CSMD3: variants seen among roughly 807,000 people sequenced by gnomAD.
CSMD3 encodes CUB and Sushi multiple domains 3, also known as CUB and sushi domain-containing protein 3.
A neutral mutation model predicts 435.2 loss-of-function variants in CSMD3; 177 were observed. That is an observed-to-expected ratio of 0.41 (90% CI 0.36 to 0.46). CSMD3 has a LOEUF of 0.46. Among genes scored for constraint, CSMD3 ranks in the 20% least tolerant of loss-of-function variants. The probability of loss-of-function intolerance (pLI) is 0.34; values close to 1 mark genes in which losing one functional copy is unlikely to be tolerated. For missense variants in CSMD3, 4,265 were observed against 4,504.6 expected, an observed-to-expected ratio of 0.95 and a Z score of 1.52; for synonymous variants, 1,656 against 1,520.5, an observed-to-expected ratio of 1.09 and a Z score of -2.07.
At chr8:112,683,318 A>G (rs2075942684) in intron 15 of CSMD3, among the ~76,000 whole-genome samples, 1 of 152,020 alleles carries the variant, frequency 6.6e-6, no homozygotes. Flanking sequence ...AAAGTTAAGT[A>G]ACTTGCCTAA....
chr8:112,926,206 A>G (rs557268322), intron 9 of CSMD3, among the ~76,000 whole-genome samples: 5 of 151,822 alleles, frequency 3.3e-5, no homozygotes, highest in Non-Finnish European at 7.4e-5. Flanking sequence ...TTAATATTTG[A>G]GTCAAACTTA....
At chr8:113,368,955 T>C (rs1588613405) in intron 1 of CSMD3, among the ~76,000 whole-genome samples, 2 of 152,172 alleles carry the variant, frequency 1.3e-5, no homozygotes, top group Middle Eastern at 6.8e-3. Context: ...TTCTAAAAAC[T>C]AACCCTCAAA....
intron 28 of CSMD3, among the ~76,000 whole-genome samples, chr8:112,507,467 T>G (rs1328470212): frequency 6.6e-6 from 1 of 152,062 alleles, no homozygotes; most frequent in Non-Finnish European, 1.5e-5. Flanking sequence ...TGAAGAAAGA[T>G]ATGGAGGTCT....
intron 13 of CSMD3, among the ~76,000 whole-genome samples, chr8:112,723,690 G>C (rs1181067490): frequency 6.6e-6 from 1 of 152,030 alleles, no homozygotes; most frequent in East Asian, 1.9e-4. Flanking sequence ...AAGCTACCTA[G>C]GTTTAAATCC....
rs200793759 is a variant in CSMD3, at chr8:112,573,634, C to T, written c.3909G>A (p.Thr1303=). The change falls in exon 24 of 71, where the codon ACG becomes ACA. Residue 1303 remains threonine (T), a synonymous_variant. Transcript: ENST00000297405. ...VLKIYDGKDK[T]THLLGAFTGA... ...CAGTAAAAGCACCTAGTAGATGAGTCGTTTTATCTTTTCCATCATAAATCT... is the reference window on the plus strand; with the variant it reads ...CAGTAAAAGCACCTAGTAGATGAGTTGTTTTATCTTTTCCATCATAAATCT... The T allele has an allele frequency of 1.2e-5, 19 of 1,611,972 alleles. 1 individual carries two copies. The highest frequency in any genetic ancestry group is 1.5e-5 in the Non-Finnish European group (18 of 1,178,460).
rs188323696 is a variant in CSMD3, at chr8:112,810,256, T to A, written c.1860-9982A>T. Reference sequence around the variant, plus strand: ...CATCTTCTTACTAATTTTTTAATAATCCCAAAGTAAAAGTAACTAATATGT... The same window carrying A: ...CATCTTCTTACTAATTTTTTAATAAACCCAAAGTAAAAGTAACTAATATGT... On this transcript the variant is annotated intron_variant, in intron 12 of 70. Transcript: ENST00000297405. 1.3e-3 allele frequency among the ~76,000 whole-genome samples: 196 copies of A among 152,256 alleles called. 1 individual carries two copies. The highest frequency in any genetic ancestry group is 4.4e-3 in the African/African-American group (183 of 41,544).
intron 11 of CSMD3, among the ~76,000 whole-genome samples, chr8:112,839,007 T>C (rs1052309533): frequency 2.6e-5 from 4 of 151,792 alleles, no homozygotes; most frequent in Non-Finnish European, 5.9e-5. Context: ...AGAAGAATTA[T>C]GCATTGCAAT....
intron 7 of CSMD3, among the ~76,000 whole-genome samples, chr8:112,966,323 A>G (rs1247401090): frequency 6.6e-6 from 1 of 151,666 alleles, no homozygotes; most frequent in East Asian, 1.9e-4. Context: ...TCTCATAAAT[A>G]AAGACCTGGG....
intron 10 of CSMD3, among the ~76,000 whole-genome samples, chr8:112,916,686 G>T (rs1002459781): frequency 6.6e-6 from 1 of 151,878 alleles, no homozygotes; most frequent in Non-Finnish European, 1.5e-5. Flanking sequence ...GTTCTGATAT[G>T]TTCTTGGGCA....
At chr8:113,205,430 C>T (rs571967925) in intron 3 of CSMD3, among the ~76,000 whole-genome samples, 2 of 152,236 alleles carry the variant, frequency 1.3e-5, no homozygotes, top group African/African-American at 2.4e-5. Context: ...TGGGTGGGGA[C>T]CAGCCAAACC....
intron 42 of CSMD3, among the ~76,000 whole-genome samples, chr8:112,341,236 A>G (rs926603503): frequency 6.6e-6 from 1 of 152,054 alleles, no homozygotes; most frequent in African/African-American, 2.4e-5. Flanking sequence ...TTAACTTAAG[A>G]CTAATTCAAT....
chr8:113,073,286 T>C (rs1275213680), intron 5 of CSMD3, among the ~76,000 whole-genome samples: 1 of 151,806 alleles, frequency 6.6e-6, no homozygotes, highest in African/African-American at 2.4e-5. Context: ...ATACAGTGAC[T>C]TTTTTTTCCG....
intron 6 of CSMD3, among the ~76,000 whole-genome samples, chr8:113,000,568 T>C (rs1455858840): frequency 6.6e-6 from 1 of 152,056 alleles, no homozygotes; most frequent in Admixed American, 6.6e-5. Flanking sequence ...GACATAATGT[T>C]GTACACAGTA....
chr8:112,611,842 C>T lies in CSMD3; in HGVS notation c.3716-24607G>A, dbSNP rs147199073. ...AAAATATATTCAAATTTCACTTATG[C>T]GACATAAATCTAAGCATGTAAAATA... is the stretch of plus-strand genomic sequence containing the variant. On this transcript the variant is annotated intron_variant, in intron 22 of 70. Coordinates refer to ENST00000297405, the MANE Select transcript of CSMD3 (RefSeq NM_198123.2). 5.5e-3 allele frequency among the ~76,000 whole-genome samples: 842 copies of T among 152,082 alleles called. 6 individuals carry two copies. Among genetic ancestry groups the T allele is most frequent in the African/African-American group, 0.018 (752 of 41,508 alleles).
At chr8:112,892,904 C>T (rs1564074030) in intron 10 of CSMD3, among the ~76,000 whole-genome samples, 1 of 151,448 alleles carries the variant, frequency 6.6e-6, no homozygotes, top group Non-Finnish European at 1.5e-5. Flanking sequence ...GTTAACCATT[C>T]AATCTCCAGA....
chr8:112,482,673 C>G (rs1014708638), intron 31 of CSMD3, among the ~76,000 whole-genome samples: 1 of 152,060 alleles, frequency 6.6e-6, no homozygotes, highest in African/African-American at 2.4e-5. Flanking sequence ...TGTCTTACTG[C>G]TTTTTAATGA....
intron 27 of CSMD3, among the ~76,000 whole-genome samples, chr8:112,517,457 G>T (rs910071769): frequency 6.6e-6 from 1 of 151,874 alleles, no homozygotes; most frequent in Non-Finnish European, 1.5e-5. Flanking sequence ...AATGTATTGT[G>T]AAAGACACTG....
At chr8:113,417,065 A>G (rs1398058544) in intron 1 of CSMD3, among the ~76,000 whole-genome samples, 1 of 152,056 alleles carries the variant, frequency 6.6e-6, no homozygotes, top group Non-Finnish European at 1.5e-5. Context: ...ATGCCTAGAG[A>G]CAAAAATAAA....
intron 5 of CSMD3, among the ~76,000 whole-genome samples, chr8:113,091,052 C>T (rs929493208): frequency 1.3e-5 from 2 of 152,058 alleles, no homozygotes; most frequent in East Asian, 1.9e-4. Flanking sequence ...TCTTTTTATA[C>T]TTTGCTCTTA....
Sources: gnomAD v4.1 joint callset for allele counts (sites outside exome capture counted in the v4.1 genomes callset) on GRCh38, gnomAD v4.1.1 for gene constraint, MANE v1.5 for transcripts, NCBI Gene and HGNC (gene_info 2026-07-23, HGNC 2026-07-21) for gene names.